Variants in CCDC138 observed in about 807,000 individuals in gnomAD.
The protein encoded by CCDC138 is coiled-coil domain containing 138, also known as coiled-coil domain-containing protein 138.
A neutral mutation model predicts 82.3 loss-of-function variants in CCDC138; 66 were observed. That is an observed-to-expected ratio of 0.80 (90% CI 0.66 to 0.98). The LOEUF is 0.98. Ranked by LOEUF, CCDC138 falls within the 50% of genes least tolerant of loss-of-function variation. The pLI is 0.00. For missense variants in CCDC138, 816 were observed against 758.9 expected (o/e 1.08, Z -0.88); for synonymous variants, 297 against 265.4 (o/e 1.12, Z -1.16).
chr2:108,834,074 C>T (rs1027511074), intron 10 of CCDC138, among the ~76,000 whole-genome samples: 3 of 150,654 alleles, frequency 2.0e-5, no homozygotes, highest in Non-Finnish European at 4.4e-5. Flanking sequence ...TGCAGTAGAT[C>T]GAATAATAAG....
chr2:108,789,149 G>T (rs1679477705), intron 3 of CCDC138, among the ~76,000 whole-genome samples, 183 bp downstream of exon 3: 1 of 152,180 alleles, frequency 6.6e-6, no homozygotes, highest in South Asian at 2.1e-4. Flanking sequence ...GAGAATCTCT[G>T]TAATAAAAGC....
At chr2:108,815,130 A>C (rs1684539642) in intron 9 of CCDC138, among the ~76,000 whole-genome samples, 1 of 152,140 alleles carries the variant, frequency 6.6e-6, no homozygotes, top group Admixed American at 6.5e-5. Context: ...ATTTCTAGGA[A>C]AAAAATGTTC....
intron 7 of CCDC138, among the ~76,000 whole-genome samples, chr2:108,808,744 A>T (rs1683269297): frequency 6.6e-6 from 1 of 151,668 alleles, no homozygotes; most frequent in African/African-American, 2.4e-5. Context: ...TATTGTCTGG[A>T]TTTTCACCCT....
At chr2:108,796,030 A>T (rs1680812598) in intron 5 of CCDC138, among the ~76,000 whole-genome samples, 1 of 152,180 alleles carries the variant, frequency 6.6e-6, no homozygotes, top group Non-Finnish European at 1.5e-5. Flanking sequence ...TGGTTTAATC[A>T]GTCTATAGTT....
rs377512784 is a variant in CCDC138 at position 108,794,571 on chromosome 2, A to G, written c.426A>G (p.Arg142=). 27 of 1,613,552 alleles carry G rather than the reference A, an allele frequency of 1.7e-5. No homozygotes were observed. Among genetic ancestry groups the G allele is most frequent in the Non-Finnish European group, 2.2e-5 (26 of 1,179,810 alleles). Reference sequence around the variant, plus strand: ...TGCCAACTAATACGACCTCATCGAGACCTCGGACTGAGTGTTGTAGTGATG... The same window carrying G: ...TGCCAACTAATACGACCTCATCGAGGCCTCGGACTGAGTGTTGTAGTGATG... ...VALPTNTTSS[R]PRTECCSDAG... The change falls in exon 5 of 15, where the codon AGA becomes AGG. Residue 142 remains arginine, a synonymous_variant. Transcript: ENST00000295124.
Position 108,864,591 on chromosome 2 carries a change from A to C in CCDC138, c.1693+7621A>C, listed in dbSNP as rs1694121202. Among the ~76,000 whole-genome samples, 9 of 152,012 alleles carry C rather than the reference A, an allele frequency of 5.9e-5. No homozygotes were observed. The South Asian group carries it at 1.0e-3, about 17-fold the overall frequency. ...GGCGGGCAGATCACGAGGTTAGGAG[A>C]TCGAGAGCAGCCTGGCTAACATGGT... On this transcript the variant is annotated intron_variant, in intron 13 of 14. Coordinates refer to ENST00000295124, the MANE Select transcript of CCDC138 (RefSeq NM_144978.3).
chr2:108,804,868 GTT>G lies in CCDC138; in HGVS notation c.736-12_736-11del. On this transcript the variant is annotated intron_variant, in intron 6 of 14. Coordinates refer to ENST00000295124, the MANE Select transcript of CCDC138 (RefSeq NM_144978.3). Reference sequence around the variant, plus strand: ...CAGTCCTTACAAGTTTTAGATGAGAGTTTTTTTTTTCTCCTCCTAGCAGCATG... The same window carrying G: ...CAGTCCTTACAAGTTTTAGATGAGAGTTTTTTTTCTCCTCCTAGCAGCATG... The G allele has an allele frequency of 4.4e-6, 6 of 1,359,442 alleles. No homozygotes were observed. Among genetic ancestry groups the G allele is most frequent in the African/African-American group, 1.5e-5 (1 of 65,552 alleles). 84.2% of individuals were successfully genotyped at this position (1,359,442 alleles called of 1,614,324 possible).
chr2:108,831,444 G>C (rs1687599560), intron 10 of CCDC138, among the ~76,000 whole-genome samples: 1 of 152,108 alleles, frequency 6.6e-6, no homozygotes, highest in Non-Finnish European at 1.5e-5. Context: ...TTTGGATTAA[G>C]AATATAAATA....
intron 10 of CCDC138, among the ~76,000 whole-genome samples, chr2:108,838,378 G>A (rs1342667442): frequency 6.6e-5 from 10 of 152,070 alleles, no homozygotes; most frequent in Non-Finnish European, 8.8e-5. Context: ...TCATTAGTCC[G>A]GAGAATCTTT....
chr2:108,813,045 C>G, intron 9 of CCDC138, 118 bp downstream of exon 9: 1 of 719,866 alleles, frequency 1.4e-6, no homozygotes. Flanking sequence ...GTCAGGAGAT[C>G]GAGACCATCC....
chr2:108,870,539 C>G (rs1330557412), intron 13 of CCDC138, among the ~76,000 whole-genome samples: 1 of 152,072 alleles, frequency 6.6e-6, no homozygotes, highest in Non-Finnish European at 1.5e-5. Context: ...AACCCAGAGT[C>G]CGACATCAAG....
intron 10 of CCDC138, among the ~76,000 whole-genome samples, chr2:108,837,032 G>A (rs1688680754): frequency 6.6e-6 from 1 of 151,784 alleles, no homozygotes; most frequent in African/African-American, 2.4e-5. Flanking sequence ...TCTCCAATTT[G>A]GATACTTTTT....
intron 4 of CCDC138, among the ~76,000 whole-genome samples, chr2:108,793,912 A>G (rs1018498252): frequency 3.9e-5 from 6 of 152,020 alleles, no homozygotes; most frequent in Non-Finnish European, 8.8e-5. Context: ...ACCCTCAGGA[A>G]ACTCTTAAAC....
intron 5 of CCDC138, 119 bp from the exon 6 acceptor site, chr2:108,798,309 C>G (rs1404013477): frequency 3.0e-6 from 3 of 1,014,682 alleles, no homozygotes; most frequent in Non-Finnish European, 4.4e-6. Flanking sequence ...CCAGATTGTC[C>G]TTAGGTACCC....
At chr2:108,821,258 C>A (rs531601949) in intron 10 of CCDC138, among the ~76,000 whole-genome samples, 1 of 151,774 alleles carries the variant, frequency 6.6e-6, no homozygotes. Context: ...CTTTTGAGGC[C>A]GAGGCAGGAG....
chr2:108,815,083 T>C (rs894979630), intron 9 of CCDC138, among the ~76,000 whole-genome samples: 2 of 152,206 alleles, frequency 1.3e-5, no homozygotes, highest in African/African-American at 2.4e-5. Flanking sequence ...TACTTTGTTA[T>C]TTTACTTTTC....
intron 5 of CCDC138, among the ~76,000 whole-genome samples, chr2:108,796,999 T>C (rs1051136767): frequency 6.6e-6 from 1 of 152,168 alleles, no homozygotes; most frequent in African/African-American, 2.4e-5. Context: ...AAAGAATAAA[T>C]GTTTGAGGTA....
At chr2:108,833,659 A>G (rs1224739428) in intron 10 of CCDC138, among the ~76,000 whole-genome samples, 1 of 152,166 alleles carries the variant, frequency 6.6e-6, no homozygotes, top group East Asian at 1.9e-4. Context: ...GTACTTACAT[A>G]ATAAGAAACG....
intron 14 of CCDC138, 49 bp from the exon 15 acceptor site, chr2:108,876,039 A>G: frequency 1.1e-5 from 14 of 1,239,000 alleles, no homozygotes; most frequent in Non-Finnish European, 1.6e-5. Context: ...CATTGCAGAT[A>G]AACTCTCTAA....
Sources: allele counts gnomAD v4.1 joint callset (sites outside exome capture counted in the v4.1 genomes callset), GRCh38; gene constraint gnomAD v4.1.1; transcripts MANE v1.5; gene names NCBI Gene and HGNC (gene_info 2026-07-23, HGNC 2026-07-21).